Variants in SLC16A9 observed in about 807,000 individuals in gnomAD.
SLC16A9 encodes solute carrier family 16 member 9.
A neutral mutation model predicts 44.3 loss-of-function variants in SLC16A9; 26 were observed. The observed-to-expected ratio is 0.59, with a 90% confidence interval of 0.43 to 0.81. The LOEUF (loss-of-function observed/expected upper bound fraction) is 0.81. Among genes scored for constraint, SLC16A9 ranks in the 40% least tolerant of loss-of-function variants. SLC16A9 has a pLI of 0.00. For synonymous variants in SLC16A9, 230 were observed against 225.1 expected, an observed-to-expected ratio of 1.02 and a Z score of -0.19; for missense variants, 559 against 595.8, an observed-to-expected ratio of 0.94 and a Z score of 0.64.
intron 1 of SLC16A9, among the ~76,000 whole-genome samples, chr10:59,699,933 CACAT>C (rs746613024): frequency 1.6e-3 from 218 of 140,212 alleles, no homozygotes; most frequent in African/African-American, 4.9e-3. Flanking sequence ...CACACACACA[CACAT>C]ACACACATTA....
intron 1 of SLC16A9, among the ~76,000 whole-genome samples, chr10:59,692,291 AT>A (rs1840270276): frequency 1.3e-5 from 2 of 152,288 alleles, no homozygotes; most frequent in South Asian, 4.1e-4. Context: ...CTACAGTTAC[AT>A]TTATGACACT....
chr10:59,683,724 C>T (rs1004225822), intron 2 of SLC16A9, among the ~76,000 whole-genome samples: 2 of 152,204 alleles, frequency 1.3e-5, no homozygotes, highest in African/African-American at 4.8e-5. Context: ...ACCTGGATCA[C>T]TACCTTCATC....
chr10:59,691,885 A>C (rs1391741941), intron 1 of SLC16A9, among the ~76,000 whole-genome samples: 1 of 152,238 alleles, frequency 6.6e-6, no homozygotes, highest in East Asian at 1.9e-4. Flanking sequence ...TCTATCCCTG[A>C]AATGTATACA....
At chr10:59,675,997 AACCC>A (rs1246738518) in intron 2 of SLC16A9, among the ~76,000 whole-genome samples, 1 of 152,172 alleles carries the variant, frequency 6.6e-6, no homozygotes, top group African/African-American at 2.4e-5. Context: ...CTCTGCTTTA[AACCC>A]ACTTCTGCCC....
In SLC16A9 at chr10:59,664,339, A is replaced by G. The variant is rs996059037; in HGVS notation, c.341-17T>C. On this transcript the variant is annotated splice_polypyrimidine_tract_variant and intron_variant, in intron 3 of 5. Transcript: ENST00000395348. ...ATCCAAGACCTAAGCATGAGAAGACATTGCATAAATTAAGACGCTGCATTA... is the reference window on the plus strand; with the variant it reads ...ATCCAAGACCTAAGCATGAGAAGACGTTGCATAAATTAAGACGCTGCATTA... 50 of 1,553,262 alleles carry G rather than the reference A, an allele frequency of 3.2e-5. No homozygotes were observed. The highest frequency in any genetic ancestry group is 4.3e-5 in the Non-Finnish European group (49 of 1,131,042).
chr10:59,671,636 T>A (rs1839752470), intron 3 of SLC16A9, among the ~76,000 whole-genome samples: 1 of 152,172 alleles, frequency 6.6e-6, no homozygotes, highest in Non-Finnish European at 1.5e-5. Flanking sequence ...ATAAGAGGTA[T>A]CATTCCCTAC....
intron 1 of SLC16A9, among the ~76,000 whole-genome samples, chr10:59,693,319 G>T (rs1840292546): frequency 6.6e-6 from 1 of 152,162 alleles, no homozygotes. Context: ...TCCTTTAAAA[G>T]TTATAGTCAC....
chr10:59,652,544 C>T lies in SLC16A9; in HGVS notation c.*228G>A. The T allele has an allele frequency of 5.1e-6, 2 of 389,646 alleles. No homozygotes were observed. The highest frequency in any genetic ancestry group is 5.2e-5 in the South Asian group (1 of 19,232). The allele number at this position is 389,646 out of a possible 1,614,324, so 24.1% of individuals were successfully genotyped here. A position where few individuals can be genotyped will look rare whatever the true frequency, so the allele number is the denominator to read the frequency against. ...TGAATAACAGCAAAACAGAATAGTC[C>T]CATTGATGGTGTGGGGAGGAGAAAT... is the stretch of plus-strand genomic sequence containing the variant. On this transcript the variant is annotated 3_prime_UTR_variant, in exon 6 of 6. Transcript: ENST00000395348.
chr10:59,677,314 C>T (rs1238811056), intron 2 of SLC16A9, among the ~76,000 whole-genome samples: 1 of 151,734 alleles, frequency 6.6e-6, no homozygotes, highest in Non-Finnish European at 1.5e-5. Context: ...TGGTCTTAAA[C>T]TCCTGGTCTC....
intron 2 of SLC16A9, among the ~76,000 whole-genome samples, chr10:59,681,839 GATGTATATGTATATGTAT>G (rs5785398): frequency 3.9e-4 from 10 of 25,912 alleles, no homozygotes; most frequent in African/African-American, 1.3e-3. Flanking sequence ...ATATGTATAT[GATGTATATGTATATGTAT>G]ATGTATATGT....
chr10:59,681,255 C>A (rs1431144621), intron 2 of SLC16A9, among the ~76,000 whole-genome samples: 1 of 151,842 alleles, frequency 6.6e-6, no homozygotes, highest in Non-Finnish European at 1.5e-5. Context: ...TTGCACACTG[C>A]CAGACACTGC....
chr10:59,698,612 C>A (rs1840452792), intron 1 of SLC16A9, among the ~76,000 whole-genome samples: 1 of 152,126 alleles, frequency 6.6e-6, no homozygotes, highest in Non-Finnish European at 1.5e-5. Context: ...GTGCAGCAGC[C>A]AAGGAAAAGA....
At position 59,698,411 on chromosome 10, in the gene SLC16A9, C is replaced by A. The variant is rs944512574; in HGVS notation, c.-37+11068G>T. ...CAATGCTATTAACCCCACACTTTAA[C>A]GTGGCAAATCCCCAGAATCTGTTGG... is the stretch of plus-strand genomic sequence containing the variant. On this transcript the variant is annotated intron_variant, in intron 1 of 5. Coordinates refer to ENST00000395348, the MANE Select transcript of SLC16A9 (RefSeq NM_194298.3). Among the ~76,000 whole-genome samples the A allele has an allele frequency of 3.9e-5, 6 of 152,288 alleles. No individual in the cohort carries two copies. The East Asian group carries it at 1.2e-3, about 29-fold the overall frequency.
chr10:59,684,591 C>T (rs1476093567), intron 1 of SLC16A9, among the ~76,000 whole-genome samples: 1 of 151,878 alleles, frequency 6.6e-6, no homozygotes, highest in Non-Finnish European at 1.5e-5. Flanking sequence ...CCTTGTCCAC[C>T]TTCACCAGAT....
At chr10:59,684,521 A>G (rs939949139) in intron 1 of SLC16A9, among the ~76,000 whole-genome samples, 194 bp from the exon 2 acceptor site, 3 of 152,206 alleles carry the variant, frequency 2.0e-5, no homozygotes, top group African/African-American at 7.2e-5. Flanking sequence ...AATGATGTAG[A>G]CACATGGTAC....
intron 3 of SLC16A9, among the ~76,000 whole-genome samples, chr10:59,670,636 C>A (rs1225127709): frequency 6.6e-6 from 1 of 152,184 alleles, no homozygotes; most frequent in Non-Finnish European, 1.5e-5. Context: ...TGATTCTGCA[C>A]AGAATTGCAT....
At chr10:59,696,922 G>C in intron 1 of SLC16A9, among the ~76,000 whole-genome samples, 1 of 23,078 alleles carries the variant, frequency 4.3e-5, no homozygotes, top group African/African-American at 8.6e-5. Flanking sequence ...CACCCCGTCC[G>C]GGAGGGAGGT....
intron 2 of SLC16A9, among the ~76,000 whole-genome samples, chr10:59,678,059 C>G (rs1243437255): frequency 1.5e-5 from 2 of 133,306 alleles, no homozygotes; most frequent in African/African-American, 5.5e-5. Context: ...ACAACAGTCC[C>G]CAGAGTGTGA....
intron 2 of SLC16A9, among the ~76,000 whole-genome samples, chr10:59,674,690 A>C (rs1001286532): frequency 6.6e-6 from 1 of 152,230 alleles, no homozygotes; most frequent in African/African-American, 2.4e-5. Context: ...ACCAAACTAC[A>C]TTGACATTGA....
Sources: allele counts gnomAD v4.1 joint callset (sites outside exome capture counted in the v4.1 genomes callset), GRCh38; gene constraint gnomAD v4.1.1; transcripts MANE v1.5; gene names NCBI Gene and HGNC (gene_info 2026-07-23, HGNC 2026-07-21).